Variants in KIAA1549L observed in about 807,000 individuals in gnomAD.
The protein encoded by KIAA1549L is UPF0606 protein KIAA1549L.
A neutral mutation model predicts 160.7 loss-of-function variants in KIAA1549L; 88 were observed. That is an observed-to-expected ratio of 0.55 (90% CI 0.46 to 0.65). The LOEUF (loss-of-function observed/expected upper bound fraction) is 0.65, where lower values mean the gene tolerates loss of function less well. KIAA1549L is among the 30% of genes least tolerant of loss of function. The probability of loss-of-function intolerance (pLI) is 0.00; values close to 1 mark genes in which losing one functional copy is unlikely to be tolerated. For missense variants in KIAA1549L, 2,258 were observed against 2,437.5 expected (o/e 0.93, Z 1.55); for synonymous variants, 950 against 976.7 (o/e 0.97, Z 0.51).
Position 33,618,518 on chromosome 11 carries a change from T to A in KIAA1549L, c.5280-15T>A. On this transcript the variant is annotated splice_polypyrimidine_tract_variant and intron_variant, in intron 15 of 20. Transcript: ENST00000658780. The stretch of plus-strand genomic sequence containing the variant: ...GGCATTTGCTGCATCATAACAGTTG[T>A]TGAATTTTCTTCAGGCAACAGATGA... The A allele has an allele frequency of 6.3e-7, 1 of 1,597,854 alleles. No individual in the cohort carries two copies. Among genetic ancestry groups the A allele is most frequent in the Non-Finnish European group, 8.6e-7 (1 of 1,168,636 alleles).
intron 16 of KIAA1549L, among the ~76,000 whole-genome samples, chr11:33,619,068 A>G (rs116512400): frequency 0.021 from 3,185 of 152,188 alleles, 127 homozygotes; most frequent in African/African-American, 0.073. Flanking sequence ...TGATTTCATA[A>G]CTCCTCGGTA....
intron 6 of KIAA1549L, among the ~76,000 whole-genome samples, chr11:33,557,550 T>C (rs955004087): frequency 9.2e-5 from 14 of 152,092 alleles, no homozygotes; most frequent in East Asian, 5.8e-4. Context: ...GACATACTGA[T>C]TCAGTTTATT....
chr11:33,637,618 T>A (rs747049870), intron 16 of KIAA1549L, among the ~76,000 whole-genome samples: 1 of 152,176 alleles, frequency 6.6e-6, no homozygotes, highest in Non-Finnish European at 1.5e-5. Flanking sequence ...AAGTTCTAGA[T>A]CAAAGTGTTG....
At chr11:33,494,208 T>A (rs990361284) in intron 1 of KIAA1549L, among the ~76,000 whole-genome samples, 1 of 152,206 alleles carries the variant, frequency 6.6e-6, no homozygotes, top group Admixed American at 6.5e-5. Flanking sequence ...GACCCTAATA[T>A]TGAAATGAAA....
chr11:33,583,604 C>T, intron 11 of KIAA1549L, 103 bp downstream of exon 11: 2 of 1,069,564 alleles, frequency 1.9e-6, no homozygotes, highest in South Asian at 3.3e-5. Context: ...CCTGCAGAAA[C>T]ATCAGGGCAG....
At chr11:33,571,585 T>C (rs1038130354) in intron 9 of KIAA1549L, among the ~76,000 whole-genome samples, 2 of 152,096 alleles carry the variant, frequency 1.3e-5, no homozygotes, top group Non-Finnish European at 2.9e-5. Context: ...AGGTCTCACA[T>C]GGCAGGAGTA....
chr11:33,655,878 C>A (rs1852046491), intron 17 of KIAA1549L, 134 bp from the exon 18 acceptor site: 3 of 652,268 alleles, frequency 4.6e-6, no homozygotes, highest in Non-Finnish European at 5.6e-6. Context: ...GAGGGAAGAT[C>A]TTAGAAAAAA....
At chr11:33,597,149 C>T (rs1028191421) in intron 12 of KIAA1549L, among the ~76,000 whole-genome samples, 3 of 152,140 alleles carry the variant, frequency 2.0e-5, no homozygotes, top group Non-Finnish European at 4.4e-5. Context: ...CTGATCAGAG[C>T]CTTTGATATG....
intron 1 of KIAA1549L, among the ~76,000 whole-genome samples, chr11:33,510,917 GCA>G (rs1256973564): frequency 3.9e-5 from 6 of 152,260 alleles, no homozygotes; most frequent in African/African-American, 1.4e-4. Context: ...GCATGGTGCT[GCA>G]GAAAGGGCAC....
chr11:33,389,735 C>A (rs1850237693), intron 1 of KIAA1549L, among the ~76,000 whole-genome samples: 1 of 152,224 alleles, frequency 6.6e-6, no homozygotes, highest in Non-Finnish European at 1.5e-5. Flanking sequence ...CCTGCAGAGA[C>A]AACAGTCTCC....
rs1854030532 is a variant in KIAA1549L at position 33,541,833 on chromosome 11, G to A, written c.270G>A (p.Arg90=). The A allele has an allele frequency of 3.4e-6, 1 of 289,856 alleles. No individual in the cohort carries two copies. Among genetic ancestry groups the A allele is most frequent in the Non-Finnish European group, 7.1e-6 (1 of 141,772 alleles). 18.0% of individuals were successfully genotyped at this position (289,856 alleles called of 1,614,324 possible). A position where few individuals can be genotyped will look rare whatever the true frequency, so the allele number is the denominator to read the frequency against. The change falls in exon 2 of 21, where the codon CGG becomes CGA. Residue 90 remains arginine (R), a synonymous_variant. Transcript: ENST00000658780. ...ACAATCTACAGATGAATGTCACCCGGACTCCAGAGTCATTTCCTCCCGGGA... is the reference window on the plus strand; with the variant it reads ...ACAATCTACAGATGAATGTCACCCGAACTCCAGAGTCATTTCCTCCCGGGA... ...GTDNLQMNVT[R]TPESFPPGKL... is the part of the protein sequence containing the mutation.
chr11:33,659,949 AT>A (rs1202957269), intron 19 of KIAA1549L, among the ~76,000 whole-genome samples: 1 of 152,168 alleles, frequency 6.6e-6, no homozygotes, highest in Non-Finnish European at 1.5e-5. Flanking sequence ...TTGTCCTCTC[AT>A]CCCCTAGCCA....
chr11:33,526,289 C>T (rs1053931962), intron 1 of KIAA1549L, among the ~76,000 whole-genome samples: 5 of 152,302 alleles, frequency 3.3e-5, no homozygotes, highest in South Asian at 2.1e-4. Context: ...CTAATTCTAC[C>T]GCCTGCAACA....
At chr11:33,401,108 G>T (rs560840329) in intron 1 of KIAA1549L, among the ~76,000 whole-genome samples, 92 of 152,022 alleles carry the variant, frequency 6.1e-4, no homozygotes, top group African/African-American at 2.1e-3. Context: ...CATTACAGAG[G>T]CTTTTCACAT....
chr11:33,556,162 T>C (rs1482830163), intron 6 of KIAA1549L, among the ~76,000 whole-genome samples: 1 of 152,198 alleles, frequency 6.6e-6, no homozygotes, highest in Non-Finnish European at 1.5e-5. Flanking sequence ...AAATACTAAG[T>C]GTTGGTGATA....
At chr11:33,471,347 C>A (rs1345042782) in intron 1 of KIAA1549L, among the ~76,000 whole-genome samples, 1 of 152,032 alleles carries the variant, frequency 6.6e-6, no homozygotes, top group Non-Finnish European at 1.5e-5. Flanking sequence ...TAAACTTAGC[C>A]ACTTCATTAG....
chr11:33,387,719 C>T (rs1850200779), intron 1 of KIAA1549L, among the ~76,000 whole-genome samples: 1 of 152,222 alleles, frequency 6.6e-6, no homozygotes, highest in Non-Finnish European at 1.5e-5. Flanking sequence ...GAGGTCACCC[C>T]TGGCTGTTAC....
At chr11:33,646,171 C>G in intron 17 of KIAA1549L, 135 bp downstream of exon 17, 1 of 679,780 alleles carries the variant, frequency 1.5e-6, no homozygotes, top group Non-Finnish European at 2.5e-6. Context: ...GGCCCTCATC[C>G]CATCATCCCA....
chr11:33,497,291 C>T (rs1852843152), intron 1 of KIAA1549L, among the ~76,000 whole-genome samples: 1 of 152,186 alleles, frequency 6.6e-6, no homozygotes, highest in African/African-American at 2.4e-5. Context: ...TAATAGGCCT[C>T]AGTAAAACCT....
Sources: allele counts gnomAD v4.1 joint callset (sites outside exome capture counted in the v4.1 genomes callset), GRCh38; gene constraint gnomAD v4.1.1; transcripts MANE v1.5; gene names NCBI Gene and HGNC (gene_info 2026-07-23, HGNC 2026-07-21).